The following LRRTM4 variants were observed in gnomAD, a reference collection of about 807,000 sequenced individuals.
LRRTM4 encodes leucine rich repeat transmembrane neuronal 4.
LRRTM4 carries 25 observed loss-of-function variants against 47.6 expected under a neutral mutation model. That is an observed-to-expected ratio of 0.53 (90% CI 0.38 to 0.73). The LOEUF (loss-of-function observed/expected upper bound fraction) is 0.73, where lower values mean the gene tolerates loss of function less well. Among genes scored for constraint, LRRTM4 ranks in the 30% least tolerant of loss-of-function variants. The pLI is 0.00. For synonymous variants in LRRTM4, 311 were observed against 269.5 expected (o/e 1.15, Z -1.51); for missense variants, 638 against 713.4 (o/e 0.89, Z 1.20).
intron 3 of LRRTM4, among the ~76,000 whole-genome samples, chr2:76,873,642 C>G (rs1672701542): frequency 6.6e-6 from 1 of 150,920 alleles, no homozygotes; most frequent in African/African-American, 2.4e-5. Flanking sequence ...TTTGCCCCAT[C>G]TTTAAATTCT....
At chr2:76,982,623 T>C (rs1676650891) in intron 3 of LRRTM4, among the ~76,000 whole-genome samples, 1 of 151,936 alleles carries the variant, frequency 6.6e-6, no homozygotes, top group South Asian at 2.1e-4. Flanking sequence ...GATGCTGCAG[T>C]GTGTGAGGAA....
rs35907246 is a variant in LRRTM4 at position 77,212,474 on chromosome 2, TAGAG to T, written c.1551+305840_1551+305843del. 5.9e-4 allele frequency among the ~76,000 whole-genome samples: 81 copies of T among 136,966 alleles called. No homozygotes were observed. In the South Asian group the frequency reaches 6.4e-3, roughly 11 times the overall value. The allele number at this position is 136,966 out of a possible 152,430, so 89.9% of individuals were successfully genotyped here. ...TGGAATAATTATATATATATATATA[TAGAG>T]AGAGAGAGAGAGAGAGCGAGAGAGT... On this transcript the variant is annotated intron_variant, in intron 3 of 3. Transcript: ENST00000409884.
At chr2:77,058,718 G>A (rs1029622398) in intron 3 of LRRTM4, among the ~76,000 whole-genome samples, 1 of 152,004 alleles carries the variant, frequency 6.6e-6, no homozygotes, top group African/African-American at 2.4e-5. Context: ...ACTACAAAGA[G>A]AATTAGTATA....
chr2:77,167,645 C>G (rs1265823699), intron 3 of LRRTM4, among the ~76,000 whole-genome samples: 1 of 152,146 alleles, frequency 6.6e-6, no homozygotes, highest in Non-Finnish European at 1.5e-5. Context: ...AGTTCATGCC[C>G]TTTGTAGGGA....
intron 3 of LRRTM4, among the ~76,000 whole-genome samples, chr2:77,350,344 A>C (rs1170183886): frequency 6.8e-6 from 1 of 146,560 alleles, no homozygotes; most frequent in Non-Finnish European, 1.5e-5. Flanking sequence ...AAAAAAAAAA[A>C]AAAAAAAAAA....
chr2:77,320,186 A>C (rs1430123729), intron 3 of LRRTM4, among the ~76,000 whole-genome samples: 1 of 152,116 alleles, frequency 6.6e-6, no homozygotes. Flanking sequence ...ATTCATACTC[A>C]AGTCAAAAAT....
chr2:76,904,631 G>A (rs920020318), intron 3 of LRRTM4, among the ~76,000 whole-genome samples: 3 of 152,132 alleles, frequency 2.0e-5, no homozygotes, highest in African/African-American at 7.2e-5. Flanking sequence ...ACTGAGCAGT[G>A]AGGAATCTGC....
rs116238965 is a variant in LRRTM4, at chr2:77,066,909, C to T, written c.1552-317993G>A. Among the ~76,000 whole-genome samples, 84 of 152,280 alleles carry T rather than the reference C, an allele frequency of 5.5e-4. 1 individual carries two copies. Among genetic ancestry groups the T allele is most frequent in the African/African-American group, 1.8e-3 (75 of 41,558 alleles). ...ACCCATGCATGGCTGGCAGAGAGAG[C>T]GGGGCTGAATCCCAGGCCATGAAGT... On this transcript the variant is annotated intron_variant, in intron 3 of 3. Coordinates refer to ENST00000409884, the MANE Select transcript of LRRTM4 (RefSeq NM_001134745.3).
intron 3 of LRRTM4, among the ~76,000 whole-genome samples, chr2:77,245,720 G>C (rs899914531): frequency 6.6e-6 from 1 of 151,752 alleles, no homozygotes; most frequent in Non-Finnish European, 1.5e-5. Flanking sequence ...TGAAAATAGA[G>C]GTTATTTTTA....
chr2:77,416,653 T>C (rs1421174799), intron 3 of LRRTM4, among the ~76,000 whole-genome samples: 1 of 152,032 alleles, frequency 6.6e-6, no homozygotes, highest in African/African-American at 2.4e-5. Context: ...AATATAATCT[T>C]AGCAAAATCA....
intron 3 of LRRTM4, among the ~76,000 whole-genome samples, chr2:77,178,021 T>C (rs1429313996): frequency 6.6e-6 from 1 of 152,194 alleles, no homozygotes; most frequent in Admixed American, 6.5e-5. Flanking sequence ...ATGTCAACAA[T>C]GACCTCCTTC....
Position 77,144,580 on chromosome 2 carries a change from C to T in LRRTM4, c.1551+373738G>A, listed in dbSNP as rs576833367. On this transcript the variant is annotated intron_variant, in intron 3 of 3. Transcript: ENST00000409884. ...AGCTGCCTCCATTTGTAGCTCAACT[C>T]TACTCTGCAAATGGAGGCTAAAGGA... 9.0e-4 allele frequency among the ~76,000 whole-genome samples: 137 copies of T among 152,300 alleles called. 1 individual carries two copies. The highest frequency in any genetic ancestry group is 3.1e-3 in the African/African-American group (128 of 41,562).
At chr2:77,160,825 A>C (rs1672706031) in intron 3 of LRRTM4, among the ~76,000 whole-genome samples, 1 of 152,142 alleles carries the variant, frequency 6.6e-6, no homozygotes, top group South Asian at 2.1e-4. Flanking sequence ...TAGGTGCCTG[A>C]ATTTTGCTAA....
chr2:77,327,468 T>C (rs957560461), intron 3 of LRRTM4, among the ~76,000 whole-genome samples: 8 of 152,182 alleles, frequency 5.3e-5, no homozygotes, highest in African/African-American at 1.9e-4. Context: ...AAGATTGTTA[T>C]GCAAAACTGT....
intron 3 of LRRTM4, among the ~76,000 whole-genome samples, chr2:77,396,377 G>T (rs1337088903): frequency 3.9e-5 from 6 of 151,904 alleles, no homozygotes; most frequent in African/African-American, 1.4e-4. Context: ...ATTTAGGCAT[G>T]TTTTTTTATC....
chr2:77,320,476 A>T (rs1001866470), intron 3 of LRRTM4, among the ~76,000 whole-genome samples: 1 of 152,184 alleles, frequency 6.6e-6, no homozygotes, highest in African/African-American at 2.4e-5. Context: ...AATTACAATT[A>T]TTATAAAAAT....
intron 3 of LRRTM4, among the ~76,000 whole-genome samples, chr2:76,968,199 T>C (rs934483785): frequency 3.3e-5 from 5 of 150,994 alleles, no homozygotes; most frequent in Non-Finnish European, 5.9e-5. Flanking sequence ...AAAATCTGTT[T>C]AATTCAGTAA....
chr2:77,376,687 G>A (rs1466873899), intron 3 of LRRTM4, among the ~76,000 whole-genome samples: 1 of 151,776 alleles, frequency 6.6e-6, no homozygotes. Context: ...GAGGTAAAGT[G>A]CTATTCTCAT....
chr2:77,145,265 T>C (rs1026799176), intron 3 of LRRTM4, among the ~76,000 whole-genome samples: 3 of 151,202 alleles, frequency 2.0e-5, no homozygotes, highest in African/African-American at 4.9e-5. Context: ...TATATATATA[T>C]ACACATATAC....
Sources: allele counts gnomAD v4.1 joint callset (sites outside exome capture counted in the v4.1 genomes callset), GRCh38; gene constraint gnomAD v4.1.1; transcripts MANE v1.5; gene names NCBI Gene and HGNC (gene_info 2026-07-23, HGNC 2026-07-21).